The following KCNQ1 variants were observed in gnomAD, a reference collection of about 807,000 sequenced individuals.
KCNQ1 encodes potassium voltage-gated channel subfamily KQT member 1.
In KCNQ1, 49 loss-of-function variants were observed where a neutral mutation model predicts 72.4. That is an observed-to-expected ratio of 0.68 (90% CI 0.54 to 0.86). KCNQ1 has a LOEUF of 0.86. Ranked by LOEUF, KCNQ1 falls within the 40% of genes least tolerant of loss-of-function variation. The pLI, the probability that KCNQ1 is intolerant of heterozygous loss-of-function variation, is 0.00. For synonymous variants in KCNQ1, 450 were observed against 412.6 expected, an observed-to-expected ratio of 1.09 and a Z score of -1.10; for missense variants, 790 against 945.1, an observed-to-expected ratio of 0.84 and a Z score of 2.15.
Position 2,663,926 on chromosome 11 carries a change from T to C in KCNQ1, c.1514+1845T>C. On this transcript the variant is annotated intron_variant, in intron 11 of 15. Coordinates refer to ENST00000155840, the MANE Select transcript of KCNQ1 (RefSeq NM_000218.3). The surrounding 1 kb of genome is among the most constrained non-coding windows in gnomAD (Gnocchi z 5.2). The stretch of plus-strand genomic sequence containing the variant: ...GTGTCATCTAGGACACTGGGCTGTT[T>C]CTTGTTCCACTCCAGGATGACAGGG... 1 of 398,696 alleles carries C rather than the reference T, an allele frequency of 2.5e-6. No individual in the cohort carries two copies. Among genetic ancestry groups the C allele is most frequent in the Non-Finnish European group, 4.4e-6 (1 of 226,102 alleles). The allele number at this position is 398,696 out of a possible 1,614,324, so 24.7% of individuals were successfully genotyped here.
intron 10 of KCNQ1, chr11:2,643,348 T>C: frequency 2.5e-6 from 1 of 398,416 alleles, no homozygotes; most frequent in Admixed American, 4.4e-5. Flanking sequence ...TGGTGTTGGG[T>C]GCATATATGT....
At chr11:2,524,194 G>A (rs112644348) in intron 1 of KCNQ1, among the ~76,000 whole-genome samples, 178 of 152,260 alleles carry the variant, frequency 1.2e-3, no homozygotes, top group African/African-American at 4.1e-3. Context: ...CAGGCTCGGC[G>A]ACGGGAAAGC....
rs1849904446 is a variant in KCNQ1, at chr11:2,659,110, A to T, written c.1394-2851A>T. The T allele has an allele frequency of 5.0e-6, 2 of 398,526 alleles. No individual in the cohort carries two copies. The highest frequency in any genetic ancestry group is 7.1e-5 in the East Asian group (2 of 28,060). 24.7% of individuals were successfully genotyped at this position (398,526 alleles called of 1,614,324 possible). The stretch of plus-strand genomic sequence containing the variant: ...GTAGGGTCCTCCAACATCCGGGTTA[A>T]TTTTTTAAATTTGCATACAGTAAAA... On this transcript the variant is annotated intron_variant, in intron 10 of 15. Coordinates refer to ENST00000155840, the MANE Select transcript of KCNQ1 (RefSeq NM_000218.3). This position sits in a 1 kb window ranked among gnomAD's most constrained non-coding sequence, Gnocchi z 4.3.
intron 11 of KCNQ1, among the ~76,000 whole-genome samples, chr11:2,721,298 C>T (rs1851198430): frequency 1.3e-5 from 2 of 152,196 alleles, no homozygotes; most frequent in South Asian, 2.1e-4. Context: ...AAGCTACCCG[C>T]AGGGGTCTGC....
At chr11:2,650,332 A>T (rs951923327) in intron 10 of KCNQ1, 1 of 398,206 alleles carries the variant, frequency 2.5e-6, no homozygotes, top group Non-Finnish European at 4.4e-6. Context: ...TTTTCCCCCC[A>T]AGTTTTTTGT....
At chr11:2,842,062 A>C (rs920801911) in intron 15 of KCNQ1, among the ~76,000 whole-genome samples, 4 of 152,292 alleles carry the variant, frequency 2.6e-5, no homozygotes, top group Non-Finnish European at 5.9e-5. Flanking sequence ...GCCGCGGCAG[A>C]GCTTCCTCTG....
chr11:2,490,789 A>G (rs1371201874), intron 1 of KCNQ1, among the ~76,000 whole-genome samples: 3 of 152,178 alleles, frequency 2.0e-5, no homozygotes, highest in Non-Finnish European at 4.4e-5. Flanking sequence ...CCCGGGTTTA[A>G]GCGATTCTCC....
At chr11:2,629,003 T>G (rs1246639739) in intron 10 of KCNQ1, 5 of 398,238 alleles carry the variant, frequency 1.3e-5, no homozygotes, top group African/African-American at 8.2e-5. Flanking sequence ...CTTTGAAATA[T>G]AATTCAAAAT....
chr11:2,847,916 C>G lies in KCNQ1; in HGVS notation c.1944C>G (p.Val648=). The G allele has an allele frequency of 1.3e-6, 2 of 1,575,714 alleles. No individual in the cohort carries two copies. Among genetic ancestry groups the G allele is most frequent in the Non-Finnish European group, 1.7e-6 (2 of 1,160,412 alleles). Residue 648 remains valine (V), a synonymous_variant, in exon 16 of 16, where the codon GTC becomes GTG. Transcript: ENST00000155840. ...ITQPCGSGGS[V]DPELFLPSNT... is the part of the protein sequence containing the mutation. ...AGCCCTGCGGCAGTGGCGGCTCCGT[C>G]GACCCTGAGCTCTTCCTGCCCAGCA... is the stretch of plus-strand genomic sequence containing the variant.
At chr11:2,558,430 G>GT (rs1421142622) in intron 2 of KCNQ1, among the ~76,000 whole-genome samples, 1 of 152,194 alleles carries the variant, frequency 6.6e-6, no homozygotes, top group African/African-American at 2.4e-5. Context: ...CCAGGCGGGG[G>GT]GGTCCACATA....
At chr11:2,811,913 G>A (rs1847494911) in intron 15 of KCNQ1, among the ~76,000 whole-genome samples, 1 of 152,316 alleles carries the variant, frequency 6.6e-6, no homozygotes, top group Middle Eastern at 3.4e-3. Flanking sequence ...CCCGCCGCAG[G>A]ATGACAGTGG....
chr11:2,468,809 C>T lies in KCNQ1; in HGVS notation c.386+23325C>T, dbSNP rs114448602. Among the ~76,000 whole-genome samples the T allele has an allele frequency of 1.1e-3, 170 of 152,242 alleles. No individual in the cohort carries two copies. Among genetic ancestry groups the T allele is most frequent in the African/African-American group, 3.7e-3 (154 of 41,542 alleles). ...ATGCACCTGTTGATGGACATGTGGG[C>T]GGCTGTATCCCATTTGGGCTCTCAC... On this transcript the variant is annotated intron_variant, in intron 1 of 15. Coordinates refer to ENST00000155840, the MANE Select transcript of KCNQ1 (RefSeq NM_000218.3). This position sits in a 1 kb window ranked among gnomAD's most constrained non-coding sequence, Gnocchi z 5.7.
In KCNQ1 at chr11:2,830,958, C is replaced by A. The variant is rs1234652452; in HGVS notation, c.1795-16809C>A. 6.6e-6 allele frequency among the ~76,000 whole-genome samples: 1 copy of A among 152,216 alleles called. No individual in the cohort carries two copies. The highest frequency in any genetic ancestry group is 2.4e-5 in the African/African-American group (1 of 41,446). On this transcript the variant is annotated intron_variant, in intron 15 of 15. Transcript: ENST00000155840. The surrounding 1 kb of genome is among the most constrained non-coding windows in gnomAD (Gnocchi z 7.7). Reference sequence around the variant, plus strand: ...TTGGGAGACCCCGTGCAGGTCTTGTCAAGGCAGGACAGGGAAGTGGTGATG... The same window carrying A: ...TTGGGAGACCCCGTGCAGGTCTTGTAAAGGCAGGACAGGGAAGTGGTGATG...
chr11:2,702,259 C>T (rs147441121), intron 11 of KCNQ1, among the ~76,000 whole-genome samples: 5 of 152,314 alleles, frequency 3.3e-5, no homozygotes, highest in East Asian at 3.9e-4. Flanking sequence ...ATTTTCGAAA[C>T]GTGGCCATTT....
At chr11:2,798,753 G>T (rs1175493119) in intron 15 of KCNQ1, among the ~76,000 whole-genome samples, 1 of 152,220 alleles carries the variant, frequency 6.6e-6, no homozygotes, top group African/African-American at 2.4e-5. Context: ...AGAAAATGAA[G>T]CAGCTATTGG....
chr11:2,776,769 C>T (rs1289365692), intron 13 of KCNQ1, among the ~76,000 whole-genome samples: 1 of 152,216 alleles, frequency 6.6e-6, no homozygotes, highest in African/African-American at 2.4e-5. Context: ...AGCCCACCGA[C>T]TCCCCCTTTC....
intron 11 of KCNQ1, chr11:2,665,384 A>C: frequency 1.0e-5 from 4 of 397,932 alleles, no homozygotes; most frequent in Non-Finnish European, 1.8e-5. Context: ...GGAGCCCTGT[A>C]CCCCAAGAGC....
At position 2,501,277 on chromosome 11, in the gene KCNQ1, C is replaced by G. The variant is rs987730541; in HGVS notation, c.387-26651C>G. ...TTTTTTAAAAGATAAAATTGACAAA[C>G]CTTTAGCCAGACTAAGAAAAGAAGA... On this transcript the variant is annotated intron_variant, in intron 1 of 15. Coordinates refer to ENST00000155840, the MANE Select transcript of KCNQ1 (RefSeq NM_000218.3). Among the ~76,000 whole-genome samples the G allele has an allele frequency of 4.7e-5, 7 of 149,508 alleles. No individual in the cohort carries two copies. The South Asian group carries it at 6.3e-4, about 14-fold the overall frequency.
In KCNQ1 at chr11:2,621,363, T is replaced by C; in HGVS notation, c.1393+32509T>C. The C allele has an allele frequency of 2.5e-6, 1 of 398,678 alleles. No individual in the cohort carries two copies. Among genetic ancestry groups the C allele is most frequent in the Admixed American group, 4.4e-5 (1 of 22,742 alleles). 24.7% of individuals were successfully genotyped at this position (398,678 alleles called of 1,614,324 possible). On this transcript the variant is annotated intron_variant, in intron 10 of 15. Transcript: ENST00000155840. The surrounding 1 kb of genome is among the most constrained non-coding windows in gnomAD (Gnocchi z 5.7). ...TGTATTTTCTTTTAAGAAATGTATGTTCCTGTCCTTTGCCAATTCAATTGG... is the reference window on the plus strand; with the variant it reads ...TGTATTTTCTTTTAAGAAATGTATGCTCCTGTCCTTTGCCAATTCAATTGG...
Sources: gnomAD v4.1 joint callset for allele counts (sites outside exome capture counted in the v4.1 genomes callset) on GRCh38, gnomAD v4.1.1 for gene constraint, Gnocchi (gnomAD v3.1) non-coding constraint, MANE v1.5 for transcripts, NCBI Gene and HGNC (gene_info 2026-07-23, HGNC 2026-07-21) for gene names.